Variants in AFAP1 observed in about 807,000 individuals in gnomAD.
AFAP1 encodes the protein actin filament associated protein 1, also known as actin filament-associated protein 1.
In AFAP1, 75 loss-of-function variants were observed where a neutral mutation model predicts 93.9. The observed-to-expected ratio is 0.80, with a 90% CI of 0.66 to 0.97. The LOEUF (loss-of-function observed/expected upper bound fraction) is 0.97. Ranked by LOEUF, AFAP1 falls within the 50% of genes least tolerant of loss-of-function variation. AFAP1 has a pLI of 0.00. For missense variants in AFAP1, 1,201 were observed against 1,050.8 expected (o/e 1.14, Z -1.98); for synonymous variants, 517 against 430.7 (o/e 1.20, Z -2.48).
At chr4:7,892,985 C>T (rs1190578867) in intron 1 of AFAP1, among the ~76,000 whole-genome samples, 1 of 152,160 alleles carries the variant, frequency 6.6e-6, no homozygotes, top group Non-Finnish European at 1.5e-5. Flanking sequence ...AGCATTTCAA[C>T]CATAAGAACT....
At position 7,793,751 on chromosome 4, in the gene AFAP1, C is replaced by T; in HGVS notation, c.1342G>A (p.Ala448Thr). ...AETGSSTDPE[A>T]LHYDYIDVEM... The stretch of plus-strand genomic sequence containing the variant: ...ACATCAATGTAGTCATAGTGCAGAG[C>T]CTCCGGGTCTGTGGACGATCCCGTC... The change falls in exon 11 of 18, where the codon GCT becomes ACT. Residue 448 changes from alanine to threonine, a missense_variant. Transcript: ENST00000420658. 6.3e-7 allele frequency: 1 copy of T among 1,578,542 alleles called. No homozygotes were observed. Among genetic ancestry groups the T allele is most frequent in the Non-Finnish European group, 8.7e-7 (1 of 1,152,250 alleles).
intron 17 of AFAP1, among the ~76,000 whole-genome samples, chr4:7,764,490 C>G (rs536436612): frequency 3.0e-4 from 46 of 152,278 alleles, no homozygotes; most frequent in African/African-American, 1.1e-3. Flanking sequence ...GATGGCTGTG[C>G]AACAATGGGA....
At chr4:7,814,810 G>A (rs1311031396) in intron 8 of AFAP1, among the ~76,000 whole-genome samples, 7 of 151,978 alleles carry the variant, frequency 4.6e-5, no homozygotes, top group Non-Finnish European at 8.8e-5. Context: ...GCCGTGCTCC[G>A]TGTCTTGATT....
intron 1 of AFAP1, among the ~76,000 whole-genome samples, chr4:7,935,652 A>C (rs1467117504): frequency 3.3e-5 from 5 of 152,186 alleles, no homozygotes; most frequent in South Asian, 2.1e-4. Flanking sequence ...ACAAAAGAGA[A>C]GTCGCATCAG....
At chr4:7,780,172 A>G (rs1303942471) in intron 13 of AFAP1, among the ~76,000 whole-genome samples, 3 of 152,254 alleles carry the variant, frequency 2.0e-5, no homozygotes, top group Non-Finnish European at 4.4e-5. Flanking sequence ...TAAGTCCTCA[A>G]AAGAGGCCAA....
intron 4 of AFAP1, among the ~76,000 whole-genome samples, chr4:7,847,318 A>G (rs1488488831): frequency 6.6e-6 from 1 of 152,060 alleles, no homozygotes; most frequent in Admixed American, 6.5e-5. Context: ...ATGCTTAGTG[A>G]TGGTCCAATC....
intron 1 of AFAP1, among the ~76,000 whole-genome samples, chr4:7,914,580 C>T (rs754736524): frequency 9.2e-5 from 14 of 152,128 alleles, no homozygotes; most frequent in East Asian, 5.8e-4. Context: ...ATCTTGGCTA[C>T]GGTGAACAGC....
At chr4:7,842,403 G>A (rs1236049676) in intron 5 of AFAP1, among the ~76,000 whole-genome samples, 1 of 150,916 alleles carries the variant, frequency 6.6e-6, no homozygotes, top group African/African-American at 2.4e-5. Flanking sequence ...ATATAATTTT[G>A]AGCAATGATT....
intron 12 of AFAP1, among the ~76,000 whole-genome samples, chr4:7,783,323 A>G (rs1417104100): frequency 6.6e-6 from 1 of 152,134 alleles, no homozygotes; most frequent in East Asian, 1.9e-4. Flanking sequence ...TATTTTTAGT[A>G]GAGACAGGGT....
At chr4:7,764,693 G>T (rs1714303069) in intron 17 of AFAP1, among the ~76,000 whole-genome samples, 1 of 152,218 alleles carries the variant, frequency 6.6e-6, no homozygotes, top group Admixed American at 6.5e-5. Context: ...TCTACGCAGT[G>T]CCAGCACTGT....
Position 7,773,041 on chromosome 4 carries a change from C to A in AFAP1, c.2063-31G>T, listed in dbSNP as rs201559896. Reference sequence around the variant, plus strand: ...ATTCCCAGAAACGCCGTTACTCCCGCGGCAGGCACAGGTTCTCCAAACAAC... The same window carrying A: ...ATTCCCAGAAACGCCGTTACTCCCGAGGCAGGCACAGGTTCTCCAAACAAC... On this transcript the variant is annotated intron_variant, in intron 15 of 17. Coordinates refer to ENST00000420658, the MANE Select transcript of AFAP1 (RefSeq NM_001134647.2). 8.8e-6 allele frequency: 14 copies of A among 1,594,192 alleles called. No individual in the cohort carries two copies. The East Asian group carries it at 1.8e-4, about 20-fold the overall frequency.
At chr4:7,807,028 T>C (rs975335654) in intron 9 of AFAP1, among the ~76,000 whole-genome samples, 31 of 152,172 alleles carry the variant, frequency 2.0e-4, no homozygotes, top group African/African-American at 7.5e-4. Flanking sequence ...TCAGAGGCTG[T>C]CTCTGTTCTC....
chr4:7,796,867 C>T (rs1450428702), intron 10 of AFAP1, among the ~76,000 whole-genome samples: 2 of 151,400 alleles, frequency 1.3e-5, no homozygotes, highest in East Asian at 3.9e-4. Context: ...TGAGACCAGC[C>T]TGGCTAACAT....
chr4:7,819,528 G>T (rs1398225294), intron 6 of AFAP1, among the ~76,000 whole-genome samples: 3 of 152,166 alleles, frequency 2.0e-5, no homozygotes, highest in African/African-American at 7.2e-5. Flanking sequence ...AAAGATAGTG[G>T]GTGGCTACTT....
intron 1 of AFAP1, among the ~76,000 whole-genome samples, chr4:7,900,462 G>A (rs1719054312): frequency 6.6e-6 from 1 of 152,234 alleles, no homozygotes; most frequent in African/African-American, 2.4e-5. Context: ...ACGTGCAGAT[G>A]TGAGGAAACC....
chr4:7,866,015 G>A (rs1716356379), intron 3 of AFAP1, among the ~76,000 whole-genome samples: 1 of 152,170 alleles, frequency 6.6e-6, no homozygotes, highest in Non-Finnish European at 1.5e-5. Context: ...TCCTGCCTCA[G>A]CCTCCCAAGT....
chr4:7,927,988 A>G (rs891549185), intron 1 of AFAP1, among the ~76,000 whole-genome samples: 1 of 152,188 alleles, frequency 6.6e-6, no homozygotes, highest in African/African-American at 2.4e-5. Context: ...GCTCTTTCGT[A>G]TGATCTATAC....
At chr4:7,799,723 A>G (rs1211041237) in intron 10 of AFAP1, among the ~76,000 whole-genome samples, 2 of 152,232 alleles carry the variant, frequency 1.3e-5, no homozygotes, top group African/African-American at 4.8e-5. Context: ...AAAAAGGTCT[A>G]AAACTGGGTA....
chr4:7,794,247 TG>T lies in AFAP1; in HGVS notation c.1267-422del, dbSNP rs539327945. Among the ~76,000 whole-genome samples the T allele has an allele frequency of 1.5e-3, 230 of 152,336 alleles. 1 individual carries two copies. The highest frequency in any genetic ancestry group is 2.6e-3 in the Non-Finnish European group (180 of 68,026). On this transcript the variant is annotated intron_variant, in intron 10 of 17. Transcript: ENST00000420658. ...CGTGACCAAGCTCCAGGCCCTTTAC[TG>T]GTCGCAAACTTTTTTATACCAGGAG...
Sources: allele counts gnomAD v4.1 joint callset (sites outside exome capture counted in the v4.1 genomes callset), GRCh38; gene constraint gnomAD v4.1.1; transcripts MANE v1.5; gene names NCBI Gene and HGNC (gene_info 2026-07-23, HGNC 2026-07-21).